UTP14A: variants seen among roughly 807,000 people sequenced by gnomAD.
UTP14A encodes the protein UTP14A small subunit processome component.
In UTP14A, 5 loss-of-function variants were observed where a neutral mutation model predicts 57.2. That is an observed-to-expected ratio of 0.09 (90% CI 0.05 to 0.18). The LOEUF (loss-of-function observed/expected upper bound fraction) is 0.18. UTP14A is among the 10% of genes least tolerant of loss of function. UTP14A has a pLI of 1.00. For synonymous variants in UTP14A, 169 were observed against 210.9 expected (o/e 0.80, Z 1.72); for missense variants, 430 against 562.1 (o/e 0.76, Z 2.38).
chrX:129,919,336 C>T (rs937381547), intron 7 of UTP14A, 42 bp downstream of exon 7: 3 of 1,209,322 alleles, frequency 2.5e-6, no homozygotes, highest in South Asian at 1.8e-5. Context: ...AGGCATGCCA[C>T]GCTTCTCCTA....
rs7066691 is a variant in UTP14A, at chrX:129,913,007, A to G, written c.537+1086A>G. Among the ~76,000 whole-genome samples the G allele has an allele frequency of 4.9e-3, 551 of 111,737 alleles. 1 individual carries two copies. The highest frequency in any genetic ancestry group is 0.016 in the African/African-American group (502 of 30,836). On this transcript the variant is annotated intron_variant, in intron 6 of 14. Transcript: ENST00000394422. ...TTGGAAATCCTATGTTGGTCCCTGA[A>G]GTCCGGTTTTTAGTCCGAATAACTG...
rs774217817 is a variant in UTP14A, at chrX:129,921,244, G to C, written c.1005G>C (p.Gln335His). ...EQLSKNKELTQKLQVASESEE... is the reference protein window; with the variant it reads ...EQLSKNKELTHKLQVASESEE... ...TGTCTAAGAACAAAGAACTGACACA[G>C]AAACTCCAGGTAGCCTCTGAGAGTG... Residue 335 changes from glutamine (Q) to histidine (H), a missense_variant, in exon 11 of 15, where the codon CAG (glutamine) becomes CAC (histidine). By Grantham distance (24) the Gln-to-His change is conservative. Coordinates refer to ENST00000394422, the MANE Select transcript of UTP14A (RefSeq NM_006649.4). 2 of 1,210,870 alleles carry C rather than the reference G, an allele frequency of 1.7e-6. No individual in the cohort carries two copies. Among genetic ancestry groups the C allele is most frequent in the South Asian group, 3.5e-5 (2 of 56,749 alleles).
rs1165894803 is a variant in UTP14A, at chrX:129,911,241, A to T, written c.381+91A>T. 4 of 1,059,750 alleles carry T rather than the reference A, an allele frequency of 3.8e-6. No individual in the cohort carries two copies. The Admixed American group carries it at 9.0e-5, about 24-fold the overall frequency. 87.3% of individuals were successfully genotyped at this position (1,059,750 alleles called of 1,213,427 possible). ...TAGAAAGAAGGGAAAGACCTGAAAA[A>T]TGGGAGAAGGGGGAGTTGTGATTTC... On this transcript the variant is annotated intron_variant, in intron 5 of 14. Coordinates refer to ENST00000394422, the MANE Select transcript of UTP14A (RefSeq NM_006649.4).
Position 129,929,707 on chromosome X carries a change from C to T in UTP14A, c.*99C>T. 1.0e-6 allele frequency: 1 copy of T among 1,003,368 alleles called. No individual in the cohort carries two copies. The highest frequency in any genetic ancestry group is 2.9e-4 in the Middle Eastern group (1 of 3,486). The allele number at this position is 1,003,368 out of a possible 1,213,427, so 82.7% of individuals were successfully genotyped here. On this transcript the variant is annotated 3_prime_UTR_variant, in exon 15 of 15. Coordinates refer to ENST00000394422, the MANE Select transcript of UTP14A (RefSeq NM_006649.4). Reference sequence around the variant, plus strand: ...ATTCCAAAACTGGCTCAGTACATTGCATGTAGTTAAGCCACATTTTAAAAA... The same window carrying T: ...ATTCCAAAACTGGCTCAGTACATTGTATGTAGTTAAGCCACATTTTAAAAA...
chrX:129,924,679 C>G (rs972593547), intron 11 of UTP14A, 116 bp from the exon 12 acceptor site: 73 of 916,604 alleles, frequency 8.0e-5, no homozygotes, highest in African/African-American at 2.0e-5. Flanking sequence ...CCCCGTTTGT[C>G]CTTTTTATAA....
At chrX:129,925,853 T>A in intron 12 of UTP14A, 66 bp from the exon 13 acceptor site, 1 of 1,169,749 alleles carries the variant, frequency 8.5e-7, no homozygotes, top group Non-Finnish European at 1.1e-6. Context: ...GACCCGAAAT[T>A]CAAGCGTTCT....
In UTP14A at chrX:129,916,292, CAT is replaced by C. The variant is rs767806591; in HGVS notation, c.538-2880_538-2879del. 2.1e-3 allele frequency among the ~76,000 whole-genome samples: 236 copies of C among 111,317 alleles called. 1 individual carries two copies. Among genetic ancestry groups the C allele is most frequent in the African/African-American group, 7.4e-3 (228 of 30,678 alleles). ...AACCCCTTCTTTGAAGCTCCAGTCT[CAT>C]ATTCCATGTGACTAGCAGGGATCAC... On this transcript the variant is annotated intron_variant, in intron 6 of 14. Transcript: ENST00000394422.
intron 6 of UTP14A, among the ~76,000 whole-genome samples, chrX:129,912,311 G>C (rs1355831814): frequency 2.8e-5 from 3 of 108,186 alleles, no homozygotes; most frequent in African/African-American, 1.0e-4. Flanking sequence ...AGTAGAGATG[G>C]GGTTTCACCA....
At chrX:129,928,040 A>C (rs939366881) in intron 14 of UTP14A, among the ~76,000 whole-genome samples, 6 of 110,376 alleles carry the variant, frequency 5.4e-5, no homozygotes, top group African/African-American at 2.0e-4. Flanking sequence ...GACCATTGTC[A>C]ATATCTAGGG....
At position 129,907,410 on chromosome X, in the gene UTP14A, A is replaced by G; in HGVS notation, c.70A>G (p.Lys24Glu). 1 of 1,210,126 alleles carries G rather than the reference A, an allele frequency of 8.3e-7. No individual in the cohort carries two copies. The highest frequency in any genetic ancestry group is 1.8e-5 in the South Asian group (1 of 56,519). The change falls in exon 2 of 15, where the codon AAA (lysine) becomes GAA (glutamate). Residue 24 changes from lysine to glutamate, a missense_variant. This residue lies in a region of UTP14A where 145 missense variants were observed against 153.5 expected (regional missense o/e 0.94). Coordinates refer to ENST00000394422, the MANE Select transcript of UTP14A (RefSeq NM_006649.4). ...ACAGGAAGAACTAGCGGATTTGCCA[A>G]AAGACTACCTCTTGAGTGAGAGTGA... The part of the protein sequence containing the change: ...SQQEELADLP[K>E]DYLLSESEDE...
chrX:129,913,479 T>A (rs1407744487), intron 6 of UTP14A: 1 of 326,614 alleles, frequency 3.1e-6, no homozygotes, highest in African/African-American at 2.7e-5. Context: ...CCCCATCTGA[T>A]CATTTTTACC....
At chrX:129,924,191 C>T (rs1238288301) in intron 11 of UTP14A, among the ~76,000 whole-genome samples, 2 of 110,168 alleles carry the variant, frequency 1.8e-5, no homozygotes, top group Admixed American at 9.7e-5. Flanking sequence ...AGGCTGGTCT[C>T]GAACTCCTGG....
At chrX:129,912,594 G>A (rs1217473172) in intron 6 of UTP14A, among the ~76,000 whole-genome samples, 3 of 111,252 alleles carry the variant, frequency 2.7e-5, no homozygotes, top group Non-Finnish European at 3.8e-5. Context: ...TCAGGAACTC[G>A]ATAACATTAA....
intron 14 of UTP14A, among the ~76,000 whole-genome samples, chrX:129,927,152 C>G (rs988435195): frequency 9.0e-6 from 1 of 110,816 alleles, no homozygotes; most frequent in Non-Finnish European, 1.9e-5. Context: ...TAAAGACCAC[C>G]CTTCCCTTCC....
At chrX:129,928,103 G>A (rs111639741) in intron 14 of UTP14A, among the ~76,000 whole-genome samples, 9,920 of 109,676 alleles carry the variant, frequency 0.09, 434 homozygotes, top group East Asian at 0.28. Context: ...TAAGTGGGCC[G>A]GGCATGGTGG....
chrX:129,924,534 C>G (rs1256011682), intron 11 of UTP14A, among the ~76,000 whole-genome samples: 1 of 110,370 alleles, frequency 9.1e-6, no homozygotes, highest in Non-Finnish European at 1.9e-5. Flanking sequence ...ATCTGCCCGC[C>G]TCGGCCTCCC....
intron 14 of UTP14A, 87 bp from the exon 15 acceptor site, chrX:129,929,249 A>G: frequency 9.0e-7 from 1 of 1,110,475 alleles, no homozygotes; most frequent in Non-Finnish European, 1.2e-6. Context: ...GGCCTGTACC[A>G]AAACAGTACC....
rs1183151025 is a variant in UTP14A at position 129,928,384 on chromosome X, C to CAA, written c.2044-927_2044-926dup. Reference sequence around the variant, plus strand: ...TGGGAGACAGAGCGAGACTCCATCTCAAAAAAAAAAAAAAAAAAAAAAAAA... The same window carrying CAA: ...TGGGAGACAGAGCGAGACTCCATCTCAAAAAAAAAAAAAAAAAAAAAAAAAAA... On this transcript the variant is annotated intron_variant, in intron 14 of 14. Coordinates refer to ENST00000394422, the MANE Select transcript of UTP14A (RefSeq NM_006649.4). Among the ~76,000 whole-genome samples the CAA allele has an allele frequency of 5.0e-3, 44 of 8,746 alleles. 2 individuals carry two copies. Among genetic ancestry groups the CAA allele is most frequent in the East Asian group, 0.011 (3 of 269 alleles). 7.6% of individuals were successfully genotyped at this position (8,746 alleles called of 115,157 possible).
At chrX:129,928,095 A>T (rs1413425174) in intron 14 of UTP14A, among the ~76,000 whole-genome samples, 1 of 109,883 alleles carries the variant, frequency 9.1e-6, no homozygotes, top group Non-Finnish European at 1.9e-5. Flanking sequence ...GATGAAGCTA[A>T]GTGGGCCGGG....
Sources: gnomAD v4.1 joint callset for allele counts (sites outside exome capture counted in the v4.1 genomes callset) on GRCh38, gnomAD v4.1.1 for gene constraint, gnomAD v4.1.1 regional missense constraint, MANE v1.5 for transcripts, NCBI Gene and HGNC (gene_info 2026-07-23, HGNC 2026-07-21) for gene names.